The following DST variants were observed in gnomAD, a reference collection of about 807,000 sequenced individuals.
The protein encoded by DST is dystonin.
In DST, 253 loss-of-function variants were observed where a neutral mutation model predicts 875.2. That is an observed-to-expected ratio of 0.29 (90% CI 0.26 to 0.32). DST has a LOEUF of 0.32. Among genes scored for constraint, DST ranks in the 10% least tolerant of loss-of-function variants. The pLI, the probability that DST is intolerant of heterozygous loss-of-function variation, is 1.00. For synonymous variants in DST, 3,124 were observed against 3,197.1 expected, an observed-to-expected ratio of 0.98 and a Z score of 0.77; for missense variants, 8,287 against 9,111.6, an observed-to-expected ratio of 0.91 and a Z score of 3.68.
intron 4 of DST, among the ~76,000 whole-genome samples, chr6:56,850,835 G>A (rs1220179425): frequency 6.6e-6 from 1 of 152,206 alleles, no homozygotes; most frequent in African/African-American, 2.4e-5. Context: ...AATCAGGAAG[G>A]CGTGATGGCC....
Position 56,764,814 on chromosome 6 carries a change from G to A in DST, c.626-29525C>T, listed in dbSNP as rs746069806. 3.3e-5 allele frequency among the ~76,000 whole-genome samples: 5 copies of A among 151,974 alleles called. No individual in the cohort carries two copies. The South Asian group carries it at 8.3e-4, about 25-fold the overall frequency. ...CTCTACAAAAATACAAAAATTAGCC[G>A]TGCATGATGGCAGATGCCTGTAATC... On this transcript the variant is annotated intron_variant, in intron 4 of 103. Transcript: ENST00000680361.
At position 56,908,098 on chromosome 6, in the gene DST, T is replaced by TATATATATACACACACACAC. The variant is rs148958146; in HGVS notation, c.217-7478_217-7477insGTGTGTGTGTGTATATATAT. Among the ~76,000 whole-genome samples the TATATATATACACACACACAC allele has an allele frequency of 2.7e-5, 4 of 150,614 alleles. No homozygotes were observed. In the East Asian group the frequency reaches 7.8e-4, roughly 29 times the overall value. ...AAAAAAGAAAATACATATATATATATACACACACACACACACACATATATA... is the reference window on the plus strand; with the variant it reads ...AAAAAAGAAAATACATATATATATATATATATATACACACACACACACACACACACACACACACATATATA... On this transcript the variant is annotated intron_variant, in intron 2 of 103. Coordinates refer to ENST00000680361, the MANE Select transcript of DST (RefSeq NM_001374736.1).
intron 69 of DST, among the ~76,000 whole-genome samples, chr6:56,519,192 A>C (rs752978159): frequency 1.3e-5 from 2 of 152,184 alleles, no homozygotes; most frequent in Non-Finnish European, 2.9e-5. Context: ...ACACAACACT[A>C]AACGGGTACA....
chr6:56,614,082 G>A lies in DST; in HGVS notation c.5058+274C>T, dbSNP rs2098585081. On this transcript the variant is annotated intron_variant, in intron 37 of 103. Transcript: ENST00000680361. ...TTCTTATTGTAATAATCAGGAAGCA[G>A]ACCTAATTATTAGGAAAAGCAGCAT... is the stretch of plus-strand genomic sequence containing the variant. Among the ~76,000 whole-genome samples the A allele has an allele frequency of 2.0e-5, 3 of 152,268 alleles. No homozygotes were observed. The South Asian group carries it at 6.2e-4, about 32-fold the overall frequency.
At chr6:56,617,512 A>G (rs1048283817) in intron 36 of DST, 6 of 1,195,182 alleles carry the variant, frequency 5.0e-6, no homozygotes, top group Middle Eastern at 2.2e-4. Flanking sequence ...TTGAATTACA[A>G]AGACAAGATT....
chr6:56,463,058 C>T lies in DST; in HGVS notation c.23058G>A (p.Val7686=), dbSNP rs144012429. ...CKAAECSDFP[V]PSAEGTPIQG... is the part of the protein sequence containing the mutation. The stretch of plus-strand genomic sequence containing the variant: ...GGCCTTACAATACCTCTGCAGATGG[C>T]ACGGGAAAGTCTGAGCACTCTGCTG... Residue 7686 remains valine (V), a synonymous_variant, in exon 102 of 104, where the codon GTG becomes GTA. Transcript: ENST00000680361. 0.038 allele frequency: 60,501 copies of T among 1,607,908 alleles called. 1,423 individuals carry two copies. The highest frequency in any genetic ancestry group is 0.045 in the Non-Finnish European group (53,205 of 1,175,458).
chr6:56,531,701 C>G (rs1051693497), intron 64 of DST, among the ~76,000 whole-genome samples: 4 of 152,110 alleles, frequency 2.6e-5, no homozygotes, highest in Non-Finnish European at 5.9e-5. Context: ...ACTACTATGG[C>G]TAGTCAATGG....
chr6:56,699,849 G>A (rs1010944442), intron 8 of DST, 104 bp from the exon 9 acceptor site: 2 of 529,700 alleles, frequency 3.8e-6, no homozygotes, highest in East Asian at 3.4e-5. Flanking sequence ...AAGAAAAAAT[G>A]GAATAATTTA....
At chr6:56,944,402 T>C (rs1460388924) in intron 2 of DST, among the ~76,000 whole-genome samples, 1 of 151,658 alleles carries the variant, frequency 6.6e-6, no homozygotes, top group African/African-American at 2.4e-5. Context: ...GTCATGAAAG[T>C]TTCCCTAAGG....
chr6:56,632,367 T>C lies in DST; in HGVS notation c.3806-327A>G, dbSNP rs184132588. Among the ~76,000 whole-genome samples, 801 of 152,268 alleles carry C rather than the reference T, an allele frequency of 5.3e-3. 6 individuals carry two copies. Among genetic ancestry groups the C allele is most frequent in the African/African-American group, 0.018 (758 of 41,582 alleles). On this transcript the variant is annotated intron_variant, in intron 28 of 103. Coordinates refer to ENST00000680361, the MANE Select transcript of DST (RefSeq NM_001374736.1). ...AATTACAAAAATCAAATAAAAATCC[T>C]TAAAAGTAAATATTAGGTAAATAAT...
intron 2 of DST, among the ~76,000 whole-genome samples, chr6:56,924,674 C>G (rs1247048065): frequency 6.6e-6 from 1 of 152,038 alleles, no homozygotes; most frequent in African/African-American, 2.4e-5. Context: ...AGAAAGAGAG[C>G]TAGTTTTTTT....
In DST at chr6:56,527,689, G is replaced by A. The variant is rs749445571; in HGVS notation, c.17726C>T (p.Ala5909Val). 5.6e-6 allele frequency: 9 copies of A among 1,609,308 alleles called. No individual in the cohort carries two copies. The Admixed American group carries it at 1.5e-4, about 27-fold the overall frequency. Residue 5909 changes from alanine to valine, a missense_variant, in exon 68 of 104, where the codon GCA (alanine) becomes GTA (valine). Physicochemically the swap from Ala to Val is moderately conservative, Grantham distance 64. Transcript: ENST00000680361. ...CAGTTTAGTAATGTCTTTGTACCTT[G>A]CTTTAATGGCTTCCAATTTATCTTG... ...IIQDKLEAIKARYKDITKLST... is the reference protein window; with the variant it reads ...IIQDKLEAIKVRYKDITKLST...
chr6:56,896,341 A>G (rs1416877288), intron 3 of DST, among the ~76,000 whole-genome samples: 1 of 152,092 alleles, frequency 6.6e-6, no homozygotes, highest in African/African-American at 2.4e-5. Flanking sequence ...ATAGTGAATA[A>G]GTCTCATGAG....
At position 56,627,281 on chromosome 6, in the gene DST, C is replaced by T; in HGVS notation, c.4645G>A (p.Val1549Met). Residue 1549 changes from valine (V) to methionine (M), a missense_variant, in exon 34 of 104, where the codon GTG (valine) becomes ATG (methionine). This residue lies in a region of DST where 3,138 missense variants were observed against 3,116.6 expected (regional missense o/e 1.01). Transcript: ENST00000680361. ...ATQLNQQKML[V>M]SEIEMKQSKM... is the part of the protein sequence containing the mutation. ...CTCTGTTTCATTTCTATTTCGGACA[C>T]CAGCATCTATAAATATACACAGTTT... 4 of 1,610,294 alleles carry T rather than the reference C, an allele frequency of 2.5e-6. No individual in the cohort carries two copies. Among genetic ancestry groups the T allele is most frequent in the South Asian group, 2.2e-5 (2 of 91,022 alleles).
intron 4 of DST, among the ~76,000 whole-genome samples, chr6:56,848,449 G>A (rs2099809529): frequency 6.6e-6 from 1 of 152,100 alleles, no homozygotes; most frequent in Admixed American, 6.5e-5. Flanking sequence ...TTTCAGGGAG[G>A]GGGTAAGTTT....
intron 4 of DST, among the ~76,000 whole-genome samples, chr6:56,736,852 A>G (rs181978010): frequency 1.3e-5 from 2 of 152,340 alleles, no homozygotes; most frequent in Non-Finnish European, 2.9e-5. Flanking sequence ...AGCAGGCAAA[A>G]ACAGACAGTT....
At chr6:56,648,788 T>C in intron 12 of DST, 99 bp from the exon 13 acceptor site, 1 of 1,041,726 alleles carries the variant, frequency 9.6e-7, no homozygotes, top group South Asian at 1.8e-5. Context: ...TGTATGTATT[T>C]GAAGCCTGAC....
At chr6:56,727,579 C>T (rs2152921253) in intron 5 of DST, among the ~76,000 whole-genome samples, 1 of 152,316 alleles carries the variant, frequency 6.6e-6, no homozygotes, top group South Asian at 2.1e-4. Flanking sequence ...TGCTGCTTGG[C>T]TTCTTTGCAT....
At chr6:56,655,028 T>G (rs2098998853) in intron 10 of DST, among the ~76,000 whole-genome samples, 1 of 151,536 alleles carries the variant, frequency 6.6e-6, no homozygotes, top group Non-Finnish European at 1.5e-5. Flanking sequence ...AGGCATGGTG[T>G]CGGGTGCCTG....
Sources: allele counts gnomAD v4.1 joint callset (sites outside exome capture counted in the v4.1 genomes callset), GRCh38; gene constraint gnomAD v4.1.1; regional missense constraint gnomAD v4.1.1; transcripts MANE v1.5; gene names NCBI Gene and HGNC (gene_info 2026-07-23, HGNC 2026-07-21).